Variants in LARP1 observed in about 807,000 individuals in gnomAD.
The protein encoded by LARP1 is la-related protein 1.
Under a neutral mutation model 122.7 loss-of-function variants are expected in LARP1, and 36 were observed. The ratio of observed to expected loss-of-function variants is 0.29; its 90% CI spans 0.22 to 0.39. The LOEUF (loss-of-function observed/expected upper bound fraction) is 0.39, where lower values mean the gene tolerates loss of function less well. LARP1 is among the 10% of genes least tolerant of loss of function. The probability of loss-of-function intolerance (pLI) is 1.00; values close to 1 mark genes in which losing one functional copy is unlikely to be tolerated. For synonymous variants in LARP1, 539 were observed against 528.7 expected, an observed-to-expected ratio of 1.02 and a Z score of -0.27; for missense variants, 1,040 against 1,403.6, an observed-to-expected ratio of 0.74 and a Z score of 4.14.
chr5:154,802,524 A>G lies in LARP1; in HGVS notation c.2109+125A>G. The G allele has an allele frequency of 8.5e-7, 1 of 1,174,678 alleles. No homozygotes were observed. The highest frequency in any genetic ancestry group is 1.2e-6 in the Non-Finnish European group (1 of 863,982). 72.8% of individuals were successfully genotyped at this position (1,174,678 alleles called of 1,614,324 possible). A position where few individuals can be genotyped will look rare whatever the true frequency, so the allele number is the denominator to read the frequency against. On this transcript the variant is annotated intron_variant, in intron 11 of 18. Transcript: ENST00000518297. The surrounding 1 kb of genome is among the most constrained non-coding windows in gnomAD (Gnocchi z 5.1). The stretch of plus-strand genomic sequence containing the variant: ...TAATTCAGAGTCTCAGGATTTTTAT[A>G]TATGGGAAGGGGATGATGACTGACA...
intron 1 of LARP1, among the ~76,000 whole-genome samples, chr5:154,733,925 G>A (rs189764739): frequency 2.6e-5 from 4 of 152,018 alleles, no homozygotes; most frequent in Non-Finnish European, 5.9e-5. Context: ...CAGCACTTTG[G>A]GAGGCGGAGG....
intron 16 of LARP1, among the ~76,000 whole-genome samples, chr5:154,810,674 A>T (rs1323993135): frequency 6.6e-6 from 1 of 151,824 alleles, no homozygotes; most frequent in African/African-American, 2.4e-5. Flanking sequence ...TTTGGTAGAG[A>T]TGGGGTTTCA....
At position 154,730,476 on chromosome 5, in the gene LARP1, C is replaced by CT. The variant is rs879902328; in HGVS notation, c.205+17358dup. 3.8e-3 allele frequency among the ~76,000 whole-genome samples: 480 copies of CT among 125,372 alleles called. 1 individual carries two copies. Among genetic ancestry groups the CT allele is most frequent in the African/African-American group, 0.012 (420 of 33,688 alleles). 82.2% of individuals were successfully genotyped at this position (125,372 alleles called of 152,430 possible). A position where few individuals can be genotyped will look rare whatever the true frequency, so the allele number is the denominator to read the frequency against. ...TAGATTTTCACCAAGTGCTTATATT[C>CT]TTTTTTTTTTTTCGAGACGTTGTCT... is the stretch of plus-strand genomic sequence containing the variant. On this transcript the variant is annotated intron_variant, in intron 1 of 18. Transcript: ENST00000336314.
intron 1 of LARP1, among the ~76,000 whole-genome samples, chr5:154,685,606 T>G (rs1466565301): frequency 6.6e-6 from 1 of 151,822 alleles, no homozygotes; most frequent in Non-Finnish European, 1.5e-5. Context: ...GATTCTAAGT[T>G]TATTTAAAGC....
chr5:154,758,284 T>C (rs1324083192), intron 1 of LARP1, among the ~76,000 whole-genome samples: 1 of 152,174 alleles, frequency 6.6e-6, no homozygotes. Context: ...CCTTTTCCTC[T>C]GAGTGGAGAA....
chr5:154,759,511 T>TA (rs1247772861), intron 1 of LARP1, among the ~76,000 whole-genome samples: 11 of 152,202 alleles, frequency 7.2e-5, no homozygotes, highest in African/African-American at 2.4e-4. Context: ...AGATGAATTT[T>TA]AAAAAAATAA....
intron 1 of LARP1, chr5:154,729,650 G>A: frequency 2.5e-6 from 1 of 397,420 alleles, no homozygotes; most frequent in Non-Finnish European, 4.9e-6. Flanking sequence ...CCAATGAATA[G>A]GAGCCTGAGC....
At chr5:154,732,306 C>G (rs1191430946) in intron 1 of LARP1, among the ~76,000 whole-genome samples, 1 of 151,594 alleles carries the variant, frequency 6.6e-6, no homozygotes, top group Non-Finnish European at 1.5e-5. Flanking sequence ...AATTTGGTAA[C>G]GTGGCCTTTG....
At chr5:154,687,210 G>C (rs1016125632) in intron 1 of LARP1, among the ~76,000 whole-genome samples, 2 of 152,090 alleles carry the variant, frequency 1.3e-5, no homozygotes, top group Non-Finnish European at 2.9e-5. Context: ...CAATATTGTA[G>C]CTTGCTTCTG....
At chr5:154,795,368 A>G in intron 8 of LARP1, 49 bp downstream of exon 8, 1 of 1,587,374 alleles carries the variant, frequency 6.3e-7, no homozygotes, top group Non-Finnish European at 8.6e-7. Context: ...AAAGGTCCTT[A>G]GGGAGCTGGA....
intron 1 of LARP1, among the ~76,000 whole-genome samples, chr5:154,729,907 C>T (rs767978235): frequency 1.3e-5 from 2 of 152,310 alleles, no homozygotes; most frequent in Admixed American, 1.3e-4. Flanking sequence ...CAGGACAGGC[C>T]ATCTTGGACC....
intron 1 of LARP1, among the ~76,000 whole-genome samples, chr5:154,719,777 A>G (rs1361168489): frequency 6.6e-6 from 1 of 151,622 alleles, no homozygotes; most frequent in Non-Finnish European, 1.5e-5. Flanking sequence ...CATGAGAATC[A>G]CTTGAGGCCA....
At chr5:154,767,787 A>G (rs556976929) in intron 1 of LARP1, among the ~76,000 whole-genome samples, 7 of 152,142 alleles carry the variant, frequency 4.6e-5, no homozygotes, top group Non-Finnish European at 7.3e-5. Flanking sequence ...AGAGACACCA[A>G]TTACATGGAT....
chr5:154,700,189 T>C (rs985863361), intron 1 of LARP1, among the ~76,000 whole-genome samples: 1 of 152,142 alleles, frequency 6.6e-6, no homozygotes, highest in Non-Finnish European at 1.5e-5. Flanking sequence ...AAATCAAAAT[T>C]AATGCAAAAA....
At chr5:154,791,022 G>A (rs1231075052) in intron 3 of LARP1, among the ~76,000 whole-genome samples, 1 of 151,988 alleles carries the variant, frequency 6.6e-6, no homozygotes, top group Non-Finnish European at 1.5e-5. Context: ...TCACCATGTT[G>A]GCCAGGCTGG....
At chr5:154,717,060 C>CAA (rs35371808) in intron 1 of LARP1, among the ~76,000 whole-genome samples, 4 of 124,622 alleles carry the variant, frequency 3.2e-5, no homozygotes, top group South Asian at 5.1e-4. Context: ...ACCCTGTCTC[C>CAA]AAAAAAAAAA....
chr5:154,774,012 C>T (rs1278172526), intron 1 of LARP1, among the ~76,000 whole-genome samples: 2 of 151,788 alleles, frequency 1.3e-5, no homozygotes, highest in South Asian at 2.1e-4. Flanking sequence ...GTGACAAGAA[C>T]GTCATGCAGG....
chr5:154,778,758 C>G (rs147960978), intron 1 of LARP1, among the ~76,000 whole-genome samples: 1 of 152,182 alleles, frequency 6.6e-6, no homozygotes, highest in Non-Finnish European at 1.5e-5. Context: ...TGACTTCTAG[C>G]CCAGGGCTCT....
chr5:154,812,837 G>A (rs1484073685), intron 18 of LARP1, among the ~76,000 whole-genome samples: 4 of 151,874 alleles, frequency 2.6e-5, no homozygotes, highest in Non-Finnish European at 4.4e-5. Context: ...TTATAAGACC[G>A]TCAGATCTTG....
Sources: allele counts gnomAD v4.1 joint callset (sites outside exome capture counted in the v4.1 genomes callset), GRCh38; gene constraint gnomAD v4.1.1; non-coding constraint Gnocchi (gnomAD v3.1); transcripts MANE v1.5; gene names NCBI Gene and HGNC (gene_info 2026-07-23, HGNC 2026-07-21).